PDE3B: variants seen among roughly 807,000 people sequenced by gnomAD.
The protein encoded by PDE3B is phosphodiesterase 3B.
Under a neutral mutation model 116.8 loss-of-function variants are expected in PDE3B, and 66 were observed. The ratio of observed to expected loss-of-function variants is 0.56; its 90% CI spans 0.46 to 0.69. The LOEUF (loss-of-function observed/expected upper bound fraction) is 0.69, where lower values mean the gene tolerates loss of function less well. Among genes scored for constraint, PDE3B ranks in the 30% least tolerant of loss-of-function variants. PDE3B has a pLI of 0.00. For missense variants in PDE3B, 1,384 were observed against 1,368.1 expected (o/e 1.01, Z -0.18); for synonymous variants, 595 against 533.6 (o/e 1.12, Z -1.59).
the PDE3B span, among the ~76,000 whole-genome samples, chr11:14,894,461 A>G: frequency 1.3e-5 from 2 of 152,226 alleles, no homozygotes; most frequent in African/African-American, 2.4e-5. Context: ...CAGTACAGGT[A>G]CTTGGTTCAG....
At chr11:14,835,673 A>G (rs981856656) in intron 11 of PDE3B, among the ~76,000 whole-genome samples, 4 of 152,144 alleles carry the variant, frequency 2.6e-5, no homozygotes, top group Admixed American at 1.3e-4. Flanking sequence ...TAGCTTATTA[A>G]AAGGGCCAGG....
chr11:14,882,199 A>G, the PDE3B span, among the ~76,000 whole-genome samples: 1 of 152,146 alleles, frequency 6.6e-6, no homozygotes, highest in Admixed American at 6.6e-5. Flanking sequence ...GGAATGTATC[A>G]GGGAACAAAA....
the PDE3B span, chr11:14,891,902 A>G: frequency 1.3e-5 from 20 of 1,527,570 alleles, no homozygotes; most frequent in East Asian, 7.3e-5. Flanking sequence ...AGGGGCGGCC[A>G]TAAGTCCAAC....
At chr11:14,824,933 C>T (rs760557284) in intron 7 of PDE3B, among the ~76,000 whole-genome samples, 1 of 151,926 alleles carries the variant, frequency 6.6e-6, no homozygotes, top group African/African-American at 2.4e-5. Context: ...GTGGACATCT[C>T]AGCAGAAACC....
In PDE3B at chr11:14,739,167, G is replaced by A. The variant is rs533249085; in HGVS notation, c.979-32770G>A. ...AGTCAATGGTAGCTTGATGGGGATAGCACTGAATCTATAAATTACCTTGGA... is the reference window on the plus strand; with the variant it reads ...AGTCAATGGTAGCTTGATGGGGATAACACTGAATCTATAAATTACCTTGGA... On this transcript the variant is annotated intron_variant, in intron 1 of 15. Coordinates refer to ENST00000282096, the MANE Select transcript of PDE3B (RefSeq NM_000922.4). Among the ~76,000 whole-genome samples, 8 of 152,276 alleles carry A rather than the reference G, an allele frequency of 5.3e-5. No homozygotes were observed. In the East Asian group the frequency reaches 1.5e-3, roughly 29 times the overall value.
At chr11:14,709,817 G>A (rs1031012140) in intron 1 of PDE3B, among the ~76,000 whole-genome samples, 1 of 152,114 alleles carries the variant, frequency 6.6e-6, no homozygotes, top group Non-Finnish European at 1.5e-5. Context: ...GTTGTTTTCA[G>A]TTATATATGA....
intron 7 of PDE3B, among the ~76,000 whole-genome samples, chr11:14,820,318 G>A (rs1253100613): frequency 1.3e-5 from 2 of 149,602 alleles, no homozygotes; most frequent in Non-Finnish European, 3.0e-5. Context: ...CAACATAGAT[G>A]AACTTCAAAA....
chr11:14,705,915 G>A (rs1160325642), intron 1 of PDE3B, among the ~76,000 whole-genome samples: 3 of 151,776 alleles, frequency 2.0e-5, no homozygotes, highest in African/African-American at 4.8e-5. Context: ...TAGAAATAAG[G>A]TAAAAAAGCT....
At chr11:14,836,007 A>G (rs1180981075) in intron 11 of PDE3B, among the ~76,000 whole-genome samples, 2 of 152,238 alleles carry the variant, frequency 1.3e-5, no homozygotes, top group Non-Finnish European at 2.9e-5. Context: ...TAAATGTCAT[A>G]GACTCAACCA....
At chr11:14,863,507 T>C (rs1847987831) in intron 14 of PDE3B, among the ~76,000 whole-genome samples, 1 of 152,136 alleles carries the variant, frequency 6.6e-6, no homozygotes, top group African/African-American at 2.4e-5. Flanking sequence ...AATCATTGGA[T>C]TCCCCAGGGT....
rs565653927 is a variant in PDE3B, at chr11:14,755,182, C to T, written c.979-16755C>T. ...TGTTTGAGTCACAAGTAATGTCAAG[C>T]CACTGTATATGTCACATCTTGTCAA... is the stretch of plus-strand genomic sequence containing the variant. On this transcript the variant is annotated intron_variant, in intron 1 of 15. Coordinates refer to ENST00000282096, the MANE Select transcript of PDE3B (RefSeq NM_000922.4). 7.2e-5 allele frequency among the ~76,000 whole-genome samples: 11 copies of T among 152,230 alleles called. No homozygotes were observed. The South Asian group carries it at 2.3e-3, about 32-fold the overall frequency.
intron 12 of PDE3B, among the ~76,000 whole-genome samples, chr11:14,846,059 GAAGGAAAAAAATGTT>G (rs1470513763): frequency 6.6e-6 from 1 of 152,120 alleles, no homozygotes; most frequent in East Asian, 1.9e-4. Context: ...AAGTTGAAAT[GAAGGAAAAAAATGTT>G]AAGGGCAGCC....
chr11:14,663,932 G>T (rs1312005725), intron 1 of PDE3B, among the ~76,000 whole-genome samples: 1 of 152,090 alleles, frequency 6.6e-6, no homozygotes, highest in Non-Finnish European at 1.5e-5. Context: ...GACATCTACA[G>T]AACTCTCCAC....
intron 1 of PDE3B, among the ~76,000 whole-genome samples, chr11:14,724,199 A>G (rs1182353071): frequency 6.6e-6 from 1 of 152,124 alleles, no homozygotes; most frequent in African/African-American, 2.4e-5. Flanking sequence ...TGGTGAGAAA[A>G]TTGATTACCA....
chr11:14,838,162 G>A (rs1860117637), intron 11 of PDE3B, among the ~76,000 whole-genome samples: 1 of 151,858 alleles, frequency 6.6e-6, no homozygotes, highest in Non-Finnish European at 1.5e-5. Context: ...TGTATTTTTA[G>A]TGGAGACGGG....
chr11:14,723,515 A>G (rs536740355), intron 1 of PDE3B, among the ~76,000 whole-genome samples: 13 of 152,180 alleles, frequency 8.5e-5, no homozygotes, highest in African/African-American at 2.2e-4. Context: ...GCAATTTTGG[A>G]GGCTAAGGTG....
intron 1 of PDE3B, among the ~76,000 whole-genome samples, chr11:14,660,712 G>T (rs912137982): frequency 2.0e-5 from 3 of 152,092 alleles, no homozygotes; most frequent in African/African-American, 7.2e-5. Flanking sequence ...AATAGCTTCT[G>T]AAGTGCTTAT....
intron 11 of PDE3B, among the ~76,000 whole-genome samples, chr11:14,843,598 A>G (rs899215470): frequency 6.6e-6 from 1 of 152,196 alleles, no homozygotes; most frequent in Non-Finnish European, 1.5e-5. Flanking sequence ...TGAGAATCCT[A>G]TCACGTCTTG....
chr11:14,707,072 A>G (rs528947590), intron 1 of PDE3B, among the ~76,000 whole-genome samples: 80 of 152,080 alleles, frequency 5.3e-4, no homozygotes, highest in African/African-American at 1.8e-3. Flanking sequence ...TGGACAAGAC[A>G]ACACATAAAA....
Sources: allele counts gnomAD v4.1 joint callset (sites outside exome capture counted in the v4.1 genomes callset), GRCh38; gene constraint gnomAD v4.1.1; transcripts MANE v1.5; gene names NCBI Gene and HGNC (gene_info 2026-07-23, HGNC 2026-07-21).